Variants in CACNA2D1 observed in about 807,000 individuals in gnomAD.
CACNA2D1 encodes voltage-dependent calcium channel subunit alpha-2/delta-1.
A neutral mutation model predicts 171.5 loss-of-function variants in CACNA2D1; 53 were observed. That is an observed-to-expected ratio of 0.31 (90% CI 0.25 to 0.39). The LOEUF is 0.39. CACNA2D1 is among the 10% of genes least tolerant of loss of function. CACNA2D1 has a pLI of 1.00. For missense variants in CACNA2D1, 903 were observed against 1,299.8 expected (o/e 0.69, Z 4.69); for synonymous variants, 442 against 443.1 (o/e 1.00, Z 0.03).
chr7:81,972,472 C>T (rs1795381223), intron 25 of CACNA2D1, among the ~76,000 whole-genome samples: 1 of 151,732 alleles, frequency 6.6e-6, no homozygotes, highest in African/African-American at 2.4e-5. Context: ...ATGGAATGAG[C>T]ATCACAGAGC....
chr7:81,953,123 T>C (rs780106529), intron 38 of CACNA2D1, among the ~76,000 whole-genome samples: 1 of 152,018 alleles, frequency 6.6e-6, no homozygotes, highest in African/African-American at 2.4e-5. Context: ...ACCTTCAAAA[T>C]ACATCCCCAA....
At chr7:81,955,873 G>T (rs901389879) in intron 38 of CACNA2D1, among the ~76,000 whole-genome samples, 2 of 113,980 alleles carry the variant, frequency 1.8e-5, no homozygotes, top group Admixed American at 2.4e-4. Flanking sequence ...ATAGTTCAAG[G>T]AAAGTACCAT....
chr7:82,145,346 TTTATATA>T (rs1346492601), intron 4 of CACNA2D1, among the ~76,000 whole-genome samples: 2 of 144,910 alleles, frequency 1.4e-5, no homozygotes, highest in Admixed American at 7.0e-5. Context: ...TAATATATAA[TTTATATA>T]TTATATATTA....
Position 81,964,092 on chromosome 7 carries a change from A to T in CACNA2D1, c.2744T>A (p.Ile915Lys). 6.2e-7 allele frequency: 1 copy of T among 1,612,254 alleles called. No individual in the cohort carries two copies. Among genetic ancestry groups the T allele is most frequent in the Non-Finnish European group, 8.5e-7 (1 of 1,178,918 alleles). The change falls in exon 34 of 39, where the codon ATA becomes AAA. Residue 915 changes from isoleucine (I) to lysine (K), a missense_variant. By Grantham distance (102) the Ile-to-Lys change is moderately radical. This residue lies in a region of CACNA2D1 where 623 missense variants were observed against 925.5 expected (regional missense o/e 0.67). Coordinates refer to ENST00000356860, the MANE Select transcript of CACNA2D1 (RefSeq NM_000722.4). ...AGTGGCCCACCAGCCAATTTGTAAT[A>T]TGTCTGCTACTGATGGCTATAAAAT... is the stretch of plus-strand genomic sequence containing the variant. Reference protein sequence around the residue: ...RSAYVPSVADILQIGWWATAA... With the variant: ...RSAYVPSVADKLQIGWWATAA...
intron 15 of CACNA2D1, 71 bp downstream of exon 15, chr7:82,012,083 C>A: frequency 1.0e-6 from 1 of 955,752 alleles, no homozygotes. Flanking sequence ...GAGACATCAT[C>A]TAGAAAGAAG....
At chr7:82,169,528 A>G (rs1795806159) in intron 4 of CACNA2D1, among the ~76,000 whole-genome samples, 1 of 152,064 alleles carries the variant, frequency 6.6e-6, no homozygotes, top group Non-Finnish European at 1.5e-5. Flanking sequence ...TACATGAATT[A>G]AATATCATTT....
chr7:82,335,111 T>C (rs370282923), intron 3 of CACNA2D1, 24 bp downstream of exon 3: 1 of 1,352,528 alleles, frequency 7.4e-7, no homozygotes, highest in African/African-American at 1.4e-5. Context: ...AATAATAAAA[T>C]GAGCAGATCC....
At chr7:82,150,035 A>C (rs888948620) in intron 4 of CACNA2D1, among the ~76,000 whole-genome samples, 2 of 151,906 alleles carry the variant, frequency 1.3e-5, no homozygotes, top group African/African-American at 4.8e-5. Flanking sequence ...GCAGGGAACC[A>C]ACAGCATCTA....
At chr7:82,287,916 C>T (rs1383032096) in intron 3 of CACNA2D1, among the ~76,000 whole-genome samples, 9 of 151,800 alleles carry the variant, frequency 5.9e-5, no homozygotes, top group African/African-American at 1.2e-4. Context: ...CTGCAAGCTC[C>T]GCCTCCCGGG....
chr7:82,257,267 C>T (rs915807755), intron 3 of CACNA2D1, among the ~76,000 whole-genome samples: 2 of 152,170 alleles, frequency 1.3e-5, no homozygotes, highest in Admixed American at 6.5e-5. Context: ...AGCTCTTCTC[C>T]TCAAAGGGAC....
chr7:81,960,472 G>C (rs1024654119), intron 36 of CACNA2D1, among the ~76,000 whole-genome samples: 41 of 152,154 alleles, frequency 2.7e-4, no homozygotes, highest in South Asian at 4.1e-4. Context: ...GACATGGACA[G>C]AATCAAGGGT....
chr7:82,393,088 AGGC>A (rs1563483261), intron 1 of CACNA2D1, among the ~76,000 whole-genome samples: 1,826 of 100,748 alleles, frequency 0.018, 25 homozygotes, highest in African/African-American at 0.057. Context: ...GAAGGAAGGC[AGGC>A]AGGCAGGCAG....
At chr7:82,428,701 C>T (rs1001952535) in intron 1 of CACNA2D1, among the ~76,000 whole-genome samples, 3 of 151,308 alleles carry the variant, frequency 2.0e-5, no homozygotes, top group African/African-American at 7.4e-5. Context: ...TCATTTAAGC[C>T]TTACCATTTC....
chr7:81,970,038 T>C, intron 27 of CACNA2D1, 54 bp from the exon 28 acceptor site: 2 of 1,048,106 alleles, frequency 1.9e-6, no homozygotes, highest in South Asian at 2.5e-5. Flanking sequence ...GATAACCTAC[T>C]TTATCCTATG....
intron 26 of CACNA2D1, 60 bp downstream of exon 26, chr7:81,971,717 C>T: frequency 2.1e-6 from 2 of 949,200 alleles, no homozygotes; most frequent in East Asian, 2.5e-5. Flanking sequence ...CCAATTTCCA[C>T]AGGAGAAACT....
At chr7:82,044,986 A>T (rs980108226) in intron 10 of CACNA2D1, among the ~76,000 whole-genome samples, 2 of 152,264 alleles carry the variant, frequency 1.3e-5, no homozygotes, top group Admixed American at 6.5e-5. Context: ...TTTAGAATTC[A>T]ATGTCTGGGT....
intron 10 of CACNA2D1, among the ~76,000 whole-genome samples, chr7:82,040,086 A>G (rs1039265886): frequency 5.3e-5 from 8 of 152,206 alleles, no homozygotes; most frequent in Non-Finnish European, 1.0e-4. Context: ...GAGTAATCAG[A>G]AGGCTTTGCA....
At chr7:82,278,597 A>T (rs927113825) in intron 3 of CACNA2D1, among the ~76,000 whole-genome samples, 4 of 150,578 alleles carry the variant, frequency 2.7e-5, no homozygotes, top group African/African-American at 9.7e-5. Flanking sequence ...TATCTTCCTG[A>T]CAAAAAGAAA....
chr7:81,980,182 AAAAAAAAAAAAAAAAAAAG>A (rs1796307279), intron 24 of CACNA2D1, among the ~76,000 whole-genome samples: 1 of 140,234 alleles, frequency 7.1e-6, no homozygotes, highest in African/African-American at 2.7e-5. Flanking sequence ...CAAAAAAAAA[AAAAAAAAAAAAAAAAAAAG>A]AAAGTGCATT....
Sources: gnomAD v4.1 joint callset for allele counts (sites outside exome capture counted in the v4.1 genomes callset) on GRCh38, gnomAD v4.1.1 for gene constraint, gnomAD v4.1.1 regional missense constraint, MANE v1.5 for transcripts, NCBI Gene and HGNC (gene_info 2026-07-23, HGNC 2026-07-21) for gene names.